Variants in CLNK observed in about 807,000 individuals in gnomAD.
The protein encoded by CLNK is cytokine-dependent hematopoietic cell linker.
In CLNK, 74 loss-of-function variants were observed where a neutral mutation model predicts 68.6. The observed-to-expected ratio is 1.08, with a 90% CI of 0.89 to 1.31. CLNK has a LOEUF of 1.31. Ranked by LOEUF, CLNK falls within the 50% of genes most tolerant of loss-of-function variation. CLNK has a pLI of 0.00. For missense variants in CLNK, 553 were observed against 515.3 expected, an observed-to-expected ratio of 1.07 and a Z score of -0.71; for synonymous variants, 198 against 172.2, an observed-to-expected ratio of 1.15 and a Z score of -1.17.
At chr4:10,618,764 A>G (rs913584968) in intron 2 of CLNK, among the ~76,000 whole-genome samples, 3 of 152,172 alleles carry the variant, frequency 2.0e-5, no homozygotes, top group Non-Finnish European at 4.4e-5. Context: ...GGTGCTGTAC[A>G]CTTTTAAACA....
upstream of CLNK, among the ~76,000 whole-genome samples, chr4:10,688,161 T>C (rs544276215): frequency 1.8e-3 from 279 of 152,326 alleles, 1 homozygote; most frequent in Non-Finnish European, 3.4e-3. Context: ...GTTGGGCCTG[T>C]CTCACAGTGC....
chr4:10,526,916 G>T (rs1718344510), intron 13 of CLNK, among the ~76,000 whole-genome samples: 1 of 152,128 alleles, frequency 6.6e-6, no homozygotes, highest in African/African-American at 2.4e-5. Context: ...TCCCAGCTGT[G>T]ACCGTAAGTA....
At chr4:10,695,627 A>G in the CLNK span, among the ~76,000 whole-genome samples, 1 of 152,182 alleles carries the variant, frequency 6.6e-6, no homozygotes. Context: ...AGGGGGATGA[A>G]ACCCTCTCTT....
rs181746245 is a variant in CLNK, at chr4:10,516,379, T to G, written c.773-2782A>C. On this transcript the variant is annotated intron_variant, in intron 15 of 18. Transcript: ENST00000226951. ...AAAGGATGGGTTGCTTTTGATCCAC[T>G]AAATTTTTGAGATGAAATATTAATT... Among the ~76,000 whole-genome samples the G allele has an allele frequency of 3.3e-5, 5 of 152,316 alleles. No homozygotes were observed. In the East Asian group the frequency reaches 9.6e-4, roughly 29 times the overall value.
the CLNK span, among the ~76,000 whole-genome samples, chr4:10,693,066 A>T: frequency 6.6e-6 from 1 of 152,184 alleles, no homozygotes; most frequent in African/African-American, 2.4e-5. Flanking sequence ...GCTGGGGAAG[A>T]AGCACTGATT....
chr4:10,530,541 T>TATCAACTTCTAA (rs1329740089), intron 12 of CLNK, among the ~76,000 whole-genome samples: 1 of 152,198 alleles, frequency 6.6e-6, no homozygotes, highest in Non-Finnish European at 1.5e-5. Context: ...CTTTAGATGA[T>TATCAACTTCTAA]ATCAACTTCT....
intron 8 of CLNK, among the ~76,000 whole-genome samples, chr4:10,543,645 G>A (rs903443444): frequency 6.6e-6 from 1 of 152,140 alleles, no homozygotes; most frequent in African/African-American, 2.4e-5. Context: ...GGTCCAACTG[G>A]CACAATACAA....
chr4:10,556,354 CTTTAT>C (rs1319342787), intron 8 of CLNK, among the ~76,000 whole-genome samples: 3 of 152,128 alleles, frequency 2.0e-5, no homozygotes, highest in Admixed American at 1.3e-4. Flanking sequence ...TACATTTTAT[CTTTAT>C]TTTAATTATG....
At chr4:10,695,592 A>C in the CLNK span, among the ~76,000 whole-genome samples, 1 of 152,132 alleles carries the variant, frequency 6.6e-6, no homozygotes, top group Non-Finnish European at 1.5e-5. Flanking sequence ...CCCAGATCTT[A>C]TGATAACAGA....
intron 2 of CLNK, among the ~76,000 whole-genome samples, chr4:10,603,526 G>T (rs917101455): frequency 1.1e-4 from 17 of 152,210 alleles, no homozygotes; most frequent in African/African-American, 3.9e-4. Context: ...GGCTCCTGAG[G>T]AAGCAGACTC....
chr4:10,617,363 C>T (rs1458903402), intron 2 of CLNK, among the ~76,000 whole-genome samples: 2 of 152,144 alleles, frequency 1.3e-5, no homozygotes, highest in Non-Finnish European at 2.9e-5. Flanking sequence ...CTTTTATCTT[C>T]TCCCCCAAAA....
At chr4:10,719,047 T>C in the CLNK span, among the ~76,000 whole-genome samples, 3 of 151,936 alleles carry the variant, frequency 2.0e-5, no homozygotes, top group Non-Finnish European at 4.4e-5. Context: ...TTCAAAAAGA[T>C]ACAGTCAAAA....
chr4:10,523,119 C>T (rs1046747304), intron 14 of CLNK, among the ~76,000 whole-genome samples: 2 of 152,154 alleles, frequency 1.3e-5, no homozygotes, highest in African/African-American at 4.8e-5. Context: ...GAGAAATAGA[C>T]ACATTCAACA....
At chr4:10,716,459 A>C in the CLNK span, among the ~76,000 whole-genome samples, 1 of 152,180 alleles carries the variant, frequency 6.6e-6, no homozygotes, top group African/African-American at 2.4e-5. Context: ...AATTTGAGAA[A>C]GCTTAATTGT....
intron 16 of CLNK, among the ~76,000 whole-genome samples, chr4:10,508,864 T>G (rs1312020450): frequency 6.6e-6 from 1 of 152,100 alleles, no homozygotes; most frequent in Non-Finnish European, 1.5e-5. Context: ...ATCCCAGCAC[T>G]TTGGGAGGCC....
the CLNK span, among the ~76,000 whole-genome samples, chr4:10,720,819 A>G: frequency 6.6e-6 from 1 of 151,320 alleles, no homozygotes; most frequent in African/African-American, 2.4e-5. Context: ...ACAACTAACA[A>G]TTGCACTCCT....
chr4:10,691,393 A>G, the CLNK span, among the ~76,000 whole-genome samples: 2 of 152,196 alleles, frequency 1.3e-5, no homozygotes, highest in Non-Finnish European at 2.9e-5. Flanking sequence ...TTTTCAAATG[A>G]GAAGGTGGAG....
chr4:10,654,849 T>C (rs1404060487), intron 2 of CLNK, among the ~76,000 whole-genome samples: 2 of 152,122 alleles, frequency 1.3e-5, no homozygotes, highest in African/African-American at 4.8e-5. Context: ...ATGCCTGTAA[T>C]CCCAGCGCTT....
At chr4:10,721,004 T>G in the CLNK span, among the ~76,000 whole-genome samples, 1 of 152,190 alleles carries the variant, frequency 6.6e-6, no homozygotes, top group South Asian at 2.1e-4. Context: ...AATGAATTGT[T>G]AATACATACA....
Sources: allele counts gnomAD v4.1 joint callset (sites outside exome capture counted in the v4.1 genomes callset), GRCh38; gene constraint gnomAD v4.1.1; transcripts MANE v1.5; gene names NCBI Gene and HGNC (gene_info 2026-07-23, HGNC 2026-07-21).